INSL6: variants seen among roughly 807,000 people sequenced by gnomAD.
INSL6 encodes the protein insulin like 6.
A neutral mutation model predicts 9.4 loss-of-function variants in INSL6; 16 were observed. That is an observed-to-expected ratio of 1.70 (90% CI 1.15 to 2.59). The LOEUF (loss-of-function observed/expected upper bound fraction) is 2.59. Among genes scored for constraint, INSL6 ranks in the 30% most tolerant of loss-of-function variants. The pLI is 0.00. For missense variants in INSL6, 391 were observed against 257.3 expected, an observed-to-expected ratio of 1.52 and a Z score of -3.56; for synonymous variants, 154 against 96.9, an observed-to-expected ratio of 1.59 and a Z score of -3.46.
At chr9:5,170,232 C>G (rs1296548299) in intron 1 of INSL6, among the ~76,000 whole-genome samples, 1 of 152,168 alleles carries the variant, frequency 6.6e-6, no homozygotes, top group Admixed American at 6.5e-5. Flanking sequence ...GGAAATTCAA[C>G]AACCTGTTCC....
At chr9:4,997,395 G>A in the INSL6 span, among the ~76,000 whole-genome samples, 1 of 152,178 alleles carries the variant, frequency 6.6e-6, no homozygotes, top group African/African-American at 2.4e-5. Flanking sequence ...ATGGTCAAAA[G>A]CTAAGAGGGA....
chr9:5,066,642 G>T, the INSL6 span: 2 of 1,105,828 alleles, frequency 1.8e-6, no homozygotes, highest in South Asian at 2.5e-5. Flanking sequence ...TATGGTGCTT[G>T]ATATATTATT....
At chr9:5,075,806 A>G in the INSL6 span, among the ~76,000 whole-genome samples, 4 of 152,212 alleles carry the variant, frequency 2.6e-5, no homozygotes, top group Admixed American at 2.6e-4. Context: ...TTGTAAGGCT[A>G]AGCTGCCATA....
chr9:5,184,606 T>A (rs1424477985), intron 1 of INSL6, among the ~76,000 whole-genome samples: 1 of 152,168 alleles, frequency 6.6e-6, no homozygotes, highest in African/African-American at 2.4e-5. Context: ...AGGGCTGACT[T>A]TATGGGACTG....
Position 5,164,112 on chromosome 9 carries a change from T to A in INSL6, c.443A>T (p.Gln148Leu), listed in dbSNP as rs565291208. The change falls in exon 2 of 2, where the codon CAG becomes CTG. Residue 148 changes from glutamine (Q) to leucine (L), a missense_variant. Gln to Leu is a moderately radical substitution (Grantham distance 113, BLOSUM62 -2). Coordinates refer to ENST00000381641, the MANE Select transcript of INSL6 (RefSeq NM_007179.3). ...NVYIHENAKF[Q>L]KKRRNKIKTL... ...TTTAATTTTGTTTCTACGTTTCTTC[T>A]GAAATTTTGCATTCTCATGAATATA... 6.2e-7 allele frequency: 1 copy of A among 1,612,592 alleles called. No homozygotes were observed. Among genetic ancestry groups the A allele is most frequent in the African/African-American group, 1.3e-5 (1 of 74,932 alleles).
the INSL6 span, among the ~76,000 whole-genome samples, chr9:5,052,231 C>G: frequency 6.6e-6 from 1 of 152,120 alleles, no homozygotes; most frequent in South Asian, 2.1e-4. Flanking sequence ...TTGGCACAAT[C>G]TTTCTATGTA....
At chr9:5,147,235 G>A (rs1824617768) in intron 2 of INSL6, among the ~76,000 whole-genome samples, 1 of 152,126 alleles carries the variant, frequency 6.6e-6, no homozygotes. Context: ...GGTCTGTGCT[G>A]TGGAACTAAA....
chr9:5,142,037 C>A (rs1419469607), intron 2 of INSL6, among the ~76,000 whole-genome samples: 1 of 151,988 alleles, frequency 6.6e-6, no homozygotes, highest in African/African-American at 2.4e-5. Context: ...GGTGTGAAAT[C>A]TTATTTCTGT....
the INSL6 span, among the ~76,000 whole-genome samples, chr9:5,116,045 C>CT: frequency 1.3e-5 from 2 of 151,814 alleles, no homozygotes; most frequent in African/African-American, 4.8e-5. Context: ...TATCCCAAAA[C>CT]TTAAAGTATA....
rs185538471 is a variant in INSL6 at position 5,172,844 on chromosome 9, C to T, written c.290-8579G>A. 5.9e-3 allele frequency among the ~76,000 whole-genome samples: 891 copies of T among 152,036 alleles called. 6 individuals carry two copies. Among genetic ancestry groups the T allele is most frequent in the Non-Finnish European group, 7.2e-3 (489 of 67,986 alleles). ...TCGAGAGGCTGAGGCAGGAGAATTG[C>T]TTGAACCCAGGAGGCAGAGGCTGCA... On this transcript the variant is annotated intron_variant, in intron 1 of 1. Coordinates refer to ENST00000381641, the MANE Select transcript of INSL6 (RefSeq NM_007179.3).
downstream of INSL6, among the ~76,000 whole-genome samples, chr9:5,122,318 C>A (rs535579899): frequency 1.4e-4 from 22 of 152,118 alleles, no homozygotes; most frequent in South Asian, 4.1e-4. Context: ...AACAATGACA[C>A]CATTGCTGTG....
At chr9:5,050,728 A>G in the INSL6 span, 1 of 1,613,436 alleles carries the variant, frequency 6.2e-7, no homozygotes, top group Non-Finnish European at 8.5e-7. Context: ...AGTACCTGTG[A>G]CTCATGAAAC....
At chr9:5,157,533 A>T (rs968573693) in intron 2 of INSL6, among the ~76,000 whole-genome samples, 3 of 152,162 alleles carry the variant, frequency 2.0e-5, no homozygotes, top group African/African-American at 7.2e-5. Flanking sequence ...AGGAAAAAAA[A>T]AGACCCTGAC....
chr9:4,995,332 G>C, the INSL6 span, among the ~76,000 whole-genome samples: 1 of 152,118 alleles, frequency 6.6e-6, no homozygotes, highest in Non-Finnish European at 1.5e-5. Flanking sequence ...TGATTCTGTA[G>C]ATAGTGTGAT....
At chr9:5,011,086 C>G in the INSL6 span, among the ~76,000 whole-genome samples, 2 of 152,140 alleles carry the variant, frequency 1.3e-5, no homozygotes, top group Non-Finnish European at 2.9e-5. Context: ...TATAATGTGA[C>G]TTAAGTATGG....
At chr9:5,041,708 T>C in the INSL6 span, 1 of 504,512 alleles carries the variant, frequency 2.0e-6, no homozygotes, top group Non-Finnish European at 4.0e-6. Flanking sequence ...TGTTCGACTC[T>C]GAGTACGAGG....
chr9:5,131,944 TG>T (rs1398463427), intron 3 of INSL6: 1 of 152,210 alleles, frequency 6.6e-6, no homozygotes, highest in East Asian at 1.9e-4. Context: ...TATAAATCCT[TG>T]TTTCTATCAA....
chr9:5,076,860 G>GC, the INSL6 span, among the ~76,000 whole-genome samples: 1 of 152,064 alleles, frequency 6.6e-6, no homozygotes, highest in Non-Finnish European at 1.5e-5. Context: ...TATCTGAGAG[G>GC]CTCCTGTGGA....
chr9:5,165,575 T>A lies in INSL6; in HGVS notation c.290-1310A>T, dbSNP rs1268448605. ...ATTATATATCCTCTTTGAAGAAATG[T>A]CTCTTCAAATCCTTTGCCCATTTTC... On this transcript the variant is annotated intron_variant, in intron 1 of 1. Coordinates refer to ENST00000381641, the MANE Select transcript of INSL6 (RefSeq NM_007179.3). Among the ~76,000 whole-genome samples, 5 of 152,210 alleles carry A rather than the reference T, an allele frequency of 3.3e-5. No homozygotes were observed. In the East Asian group the frequency reaches 7.7e-4, roughly 23 times the overall value.
Sources: gnomAD v4.1 joint callset for allele counts (sites outside exome capture counted in the v4.1 genomes callset) on GRCh38, gnomAD v4.1.1 for gene constraint, MANE v1.5 for transcripts, NCBI Gene and HGNC (gene_info 2026-07-23, HGNC 2026-07-21) for gene names.